Variants in SUGCT observed in about 807,000 individuals in gnomAD.
SUGCT encodes succinyl-CoA:glutarate CoA-transferase.
Under a neutral mutation model 55.0 loss-of-function variants are expected in SUGCT, and 41 were observed. The observed-to-expected ratio is 0.74, with a 90% CI of 0.58 to 0.97. The LOEUF (loss-of-function observed/expected upper bound fraction) is 0.97. SUGCT is among the 50% of genes least tolerant of loss of function. SUGCT has a pLI of 0.00. For synonymous variants in SUGCT, 187 were observed against 200.4 expected (o/e 0.93, Z 0.56); for missense variants, 568 against 547.8 (o/e 1.04, Z -0.37).
chr7:40,180,409 T>C (rs1371371026), intron 1 of SUGCT, among the ~76,000 whole-genome samples: 5 of 152,002 alleles, frequency 3.3e-5, no homozygotes, highest in Admixed American at 6.6e-5. Flanking sequence ...TGAGCCACCA[T>C]ACCTGGCCTG....
At chr7:40,653,759 A>T (rs1403746218) in intron 12 of SUGCT, among the ~76,000 whole-genome samples, 1 of 152,174 alleles carries the variant, frequency 6.6e-6, no homozygotes, top group Non-Finnish European at 1.5e-5. Flanking sequence ...CCTGAAAAAC[A>T]TTTTGACTTG....
intron 13 of SUGCT, among the ~76,000 whole-genome samples, chr7:40,787,660 C>CAAAAAAAAAAAAAAAAAAAAAAAA: frequency 4.1e-5 from 2 of 48,412 alleles, no homozygotes; most frequent in Non-Finnish European, 8.3e-5. Context: ...AAATTTTGAC[C>CAAAAAAAAAAAAAAAAAAAAAAAA]AAAAAAAAAA....
At chr7:40,772,551 T>TATCTATC (rs1554418098) in intron 13 of SUGCT, among the ~76,000 whole-genome samples, 13 of 148,524 alleles carry the variant, frequency 8.8e-5, no homozygotes, top group Admixed American at 2.0e-4. Context: ...TCTATCTATC[T>TATCTATC]ATCTATCTAT....
chr7:40,923,585 C>T, the SUGCT span, among the ~76,000 whole-genome samples: 7 of 152,116 alleles, frequency 4.6e-5, no homozygotes, highest in South Asian at 1.0e-3. Flanking sequence ...ATTCACAGGC[C>T]CCTAAATCTT....
chr7:40,976,530 T>A, the SUGCT span, among the ~76,000 whole-genome samples: 45 of 152,322 alleles, frequency 3.0e-4, 1 homozygote, highest in Non-Finnish European at 4.7e-4. Context: ...CATTGATAGG[T>A]TTCACATCTC....
At chr7:41,028,827 T>C in the SUGCT span, among the ~76,000 whole-genome samples, 4 of 152,172 alleles carry the variant, frequency 2.6e-5, no homozygotes, top group Non-Finnish European at 1.5e-5. Context: ...CTATAGTGCA[T>C]GCTATTTCAC....
At chr7:40,394,283 C>T (rs1246954059) in intron 9 of SUGCT, among the ~76,000 whole-genome samples, 2 of 152,130 alleles carry the variant, frequency 1.3e-5, no homozygotes, top group East Asian at 3.9e-4. Context: ...AGAACCACTG[C>T]TGCAGACCTG....
At chr7:41,033,434 C>T in the SUGCT span, among the ~76,000 whole-genome samples, 50 of 152,258 alleles carry the variant, frequency 3.3e-4, no homozygotes, top group African/African-American at 1.1e-3. Flanking sequence ...ACATCTGAGA[C>T]GATTGCATAC....
intron 13 of SUGCT, among the ~76,000 whole-genome samples, chr7:40,829,320 T>C (rs1055124807): frequency 1.3e-5 from 2 of 152,206 alleles, no homozygotes; most frequent in African/African-American, 4.8e-5. Flanking sequence ...AGAACCCTGC[T>C]CTGGGGAGCA....
chr7:41,002,397 G>A, the SUGCT span, among the ~76,000 whole-genome samples: 1 of 152,176 alleles, frequency 6.6e-6, no homozygotes, highest in African/African-American at 2.4e-5. Context: ...TGGAGAAGAG[G>A]TGAAAAAGCT....
rs750514599 is a variant in SUGCT, at chr7:40,860,367, C to T, written c.1205C>T (p.Pro402Leu). Residue 402 changes from proline (P) to leucine (L), a missense_variant, in exon 14 of 14, where the codon CCG becomes CTG. Pro to Leu is a moderately conservative substitution (Grantham distance 98). Transcript: ENST00000335693. ...KFKMSEARPP[P>L]LLGQHTTHIL... is the part of the protein sequence containing the mutation. ...AAGATGTCAGAGGCCAGGCCGCCCC[C>T]GCTGCTCGGGCAGCACACAACGCAC... 37 of 1,613,820 alleles carry T rather than the reference C, an allele frequency of 2.3e-5. No homozygotes were observed. The Middle Eastern group carries it at 1.5e-3, about 65-fold the overall frequency.
chr7:40,755,836 C>T (rs1372496497), intron 13 of SUGCT, among the ~76,000 whole-genome samples: 7 of 152,228 alleles, frequency 4.6e-5, no homozygotes, highest in East Asian at 1.9e-4. Context: ...CAAAAGGATT[C>T]GAAATTGAAT....
chr7:40,651,333 C>G (rs1235941857), intron 12 of SUGCT, among the ~76,000 whole-genome samples: 1 of 152,146 alleles, frequency 6.6e-6, no homozygotes, highest in Non-Finnish European at 1.5e-5. Flanking sequence ...TTGCACTTCT[C>G]TAATGATCAG....
chr7:40,476,985 C>T (rs955946018), intron 11 of SUGCT, among the ~76,000 whole-genome samples: 8 of 151,968 alleles, frequency 5.3e-5, no homozygotes, highest in African/African-American at 1.2e-4. Context: ...AGCCAAATGT[C>T]GGCTTTTAAT....
intron 1 of SUGCT, among the ~76,000 whole-genome samples, chr7:40,143,024 G>T (rs1788066971): frequency 6.6e-6 from 1 of 152,042 alleles, no homozygotes; most frequent in African/African-American, 2.4e-5. Flanking sequence ...ATTCCCTGTG[G>T]GACTCCAATT....
At chr7:40,723,475 T>C (rs922412282) in intron 12 of SUGCT, among the ~76,000 whole-genome samples, 1 of 152,080 alleles carries the variant, frequency 6.6e-6, no homozygotes, top group African/African-American at 2.4e-5. Flanking sequence ...ATATACAAAA[T>C]GCACGAATTC....
intron 11 of SUGCT, among the ~76,000 whole-genome samples, chr7:40,490,952 G>A (rs1044727637): frequency 5.9e-5 from 9 of 152,218 alleles, no homozygotes; most frequent in Middle Eastern, 3.4e-3. Context: ...TCAAATTGTC[G>A]TCCTTCTCTC....
intron 12 of SUGCT, among the ~76,000 whole-genome samples, chr7:40,739,944 A>C (rs973062930): frequency 6.6e-6 from 1 of 152,154 alleles, no homozygotes; most frequent in South Asian, 2.1e-4. Context: ...AAAGTTTACA[A>C]AAAAGCTTTC....
chr7:40,920,659 G>T, the SUGCT span, among the ~76,000 whole-genome samples: 1 of 152,132 alleles, frequency 6.6e-6, no homozygotes, highest in Non-Finnish European at 1.5e-5. Flanking sequence ...TGTCTAAACA[G>T]GAAAATCATC....
Sources: gnomAD v4.1 joint callset for allele counts (sites outside exome capture counted in the v4.1 genomes callset) on GRCh38, gnomAD v4.1.1 for gene constraint, MANE v1.5 for transcripts, NCBI Gene and HGNC (gene_info 2026-07-23, HGNC 2026-07-21) for gene names.